Variants in BRF1 observed in about 807,000 individuals in gnomAD.
The protein encoded by BRF1 is BRF1 general transcription factor IIIB subunit, also known as transcription factor IIIB 90 kDa subunit.
A neutral mutation model predicts 81.7 loss-of-function variants in BRF1; 59 were observed. The ratio of observed to expected loss-of-function variants is 0.72; its 90% CI spans 0.59 to 0.90. The LOEUF (loss-of-function observed/expected upper bound fraction) is 0.90. Ranked by LOEUF, BRF1 falls within the 40% of genes least tolerant of loss-of-function variation. BRF1 has a pLI of 0.00. For missense variants in BRF1, 1,050 were observed against 936.3 expected, an observed-to-expected ratio of 1.12 and a Z score of -1.58; for synonymous variants, 491 against 395.6, an observed-to-expected ratio of 1.24 and a Z score of -2.86.
intron 1 of BRF1, among the ~76,000 whole-genome samples, chr14:105,313,573 C>CGGAGGA: frequency 6.6e-6 from 1 of 152,360 alleles, no homozygotes; most frequent in East Asian, 1.9e-4. Flanking sequence ...GCTCTCTCAA[C>CGGAGGA]GGAGGAAGCA....
intron 11 of BRF1, among the ~76,000 whole-genome samples, chr14:105,221,272 C>T (rs930110858): frequency 9.9e-5 from 15 of 152,214 alleles, no homozygotes; most frequent in African/African-American, 2.4e-4. Context: ...GTCATTGCCA[C>T]GCCCAAGCTC....
chr14:105,291,769 G>A (rs1450618692), intron 1 of BRF1, among the ~76,000 whole-genome samples: 3 of 151,744 alleles, frequency 2.0e-5, no homozygotes, highest in Admixed American at 6.6e-5. Flanking sequence ...AGGCCAAGGC[G>A]GGTGGATCAC....
chr14:105,306,183 A>G (rs2058181076), intron 1 of BRF1, among the ~76,000 whole-genome samples: 1 of 152,228 alleles, frequency 6.6e-6, no homozygotes, highest in South Asian at 2.1e-4. Flanking sequence ...GGCCTGAGAA[A>G]AATGACCTGA....
At chr14:105,267,329 G>A (rs1320434920) in intron 3 of BRF1, among the ~76,000 whole-genome samples, 2 of 151,578 alleles carry the variant, frequency 1.3e-5, no homozygotes. Context: ...TTTTGAGACG[G>A]GGCTCACTCT....
chr14:105,219,834 A>G, intron 12 of BRF1: 1 of 579,766 alleles, frequency 1.7e-6, no homozygotes, highest in African/African-American at 1.9e-5. Flanking sequence ...GAGGGCCGCA[A>G]GGACCAGGCG....
At chr14:105,272,672 C>CTAA in intron 3 of BRF1, 49 bp downstream of exon 3, 2 of 1,537,596 alleles carry the variant, frequency 1.3e-6, no homozygotes, top group East Asian at 4.6e-5. Flanking sequence ...GGGGAGCCAA[C>CTAA]TAAGCATCAA....
chr14:105,306,267 A>G (rs1406866567), intron 1 of BRF1, among the ~76,000 whole-genome samples: 1 of 151,802 alleles, frequency 6.6e-6, no homozygotes, highest in Non-Finnish European at 1.5e-5. Context: ...TTCTTCATTC[A>G]TGGTGTCTTT....
In BRF1 at chr14:105,241,254, G is replaced by C. The variant is rs754578528; in HGVS notation, c.694+11C>G. ...GACCAGCATCCCCCAGGCAGGCAGG[G>C]CCCGCTGTACCTGCTCCGCAGAGGC... On this transcript the variant is annotated intron_variant, in intron 6 of 17. Transcript: ENST00000547530. 6.2e-7 allele frequency: 1 copy of C among 1,609,612 alleles called. No homozygotes were observed. Among genetic ancestry groups the C allele is most frequent in the Admixed American group, 1.7e-5 (1 of 59,986 alleles).
chr14:105,275,553 C>T (rs758395861), intron 2 of BRF1, among the ~76,000 whole-genome samples: 8 of 152,332 alleles, frequency 5.3e-5, no homozygotes, highest in African/African-American at 1.4e-4. Flanking sequence ...ACAGGGGACC[C>T]GCTGAAGCTA....
In BRF1 at chr14:105,315,028, G is replaced by A; in HGVS notation, c.-162+294C>T. The A allele has an allele frequency of 8.2e-7, 1 of 1,215,698 alleles. No individual in the cohort carries two copies. The highest frequency in any genetic ancestry group is 1.0e-6 in the Non-Finnish European group (1 of 960,016). The allele number at this position is 1,215,698 out of a possible 1,614,324, so 75.3% of individuals were successfully genotyped here. A position where few individuals can be genotyped will look rare whatever the true frequency, so the allele number is the denominator to read the frequency against. On this transcript the variant is annotated intron_variant, in intron 1 of 17. Coordinates refer to the BRF1 transcript ENST00000327359. The surrounding 1 kb of genome is among the most constrained non-coding windows in gnomAD (Gnocchi z 4.4). ...GAGGTGGACGGCTCCAGCCCCAGCT[G>A]CGTGCCCAGGTACGCGCCGCCCGCC...
chr14:105,298,184 C>G (rs587609156), intron 1 of BRF1, among the ~76,000 whole-genome samples: 77 of 152,216 alleles, frequency 5.1e-4, no homozygotes, highest in South Asian at 2.9e-3. Flanking sequence ...CACTTCTGGT[C>G]CCAAGCATTT....
intron 5 of BRF1, chr14:105,246,890 C>T (rs2055153039): frequency 2.0e-6 from 2 of 985,374 alleles, no homozygotes; most frequent in South Asian, 4.7e-5. Flanking sequence ...CAATTCTATC[C>T]TGGCACCCCC....
chr14:105,219,811 C>T (rs924853167), intron 12 of BRF1: 4 of 561,744 alleles, frequency 7.1e-6, no homozygotes, highest in East Asian at 2.9e-5. Flanking sequence ...GTGCCTGCTG[C>T]AGGCTATGTG....
chr14:105,261,874 A>T (rs951443454), intron 3 of BRF1, among the ~76,000 whole-genome samples: 2 of 152,202 alleles, frequency 1.3e-5, no homozygotes, highest in African/African-American at 4.8e-5. Flanking sequence ...CTGGAGAATG[A>T]TGCCCAGCAC....
Position 105,252,536 on chromosome 14 carries a change from C to T in BRF1, c.515G>A (p.Arg172Lys). Residue 172 changes from arginine to lysine, a missense_variant, in exon 5 of 18, where the codon AGA becomes AAA. Arg to Lys is a conservative substitution (Grantham distance 26). Transcript: ENST00000547530. ...GGCCGGCGCATTGATGCAGAGCTCT[C>T]TTGCCAAGAGAAGAAACGTCTTTCC... Reference protein sequence around the residue: ...VLGKTFLLLARELCINAPAID... With the variant: ...VLGKTFLLLAKELCINAPAID... 2 of 1,613,914 alleles carry T rather than the reference C, an allele frequency of 1.2e-6. No individual in the cohort carries two copies. Among genetic ancestry groups the T allele is most frequent in the African/African-American group, 1.3e-5 (1 of 75,052 alleles).
chr14:105,214,231 T>C (rs988222714), intron 15 of BRF1, among the ~76,000 whole-genome samples: 1 of 152,190 alleles, frequency 6.6e-6, no homozygotes, highest in African/African-American at 2.4e-5. Flanking sequence ...CTTCCAGATA[T>C]GGGCGCTGGG....
intron 3 of BRF1, among the ~76,000 whole-genome samples, chr14:105,272,498 C>A (rs1225722283): frequency 6.6e-6 from 1 of 152,250 alleles, no homozygotes; most frequent in Admixed American, 6.5e-5. Flanking sequence ...TGCCCAAGGG[C>A]TGTGCGAGGA....
At chr14:105,244,703 A>AT (rs2054960817) in intron 5 of BRF1, among the ~76,000 whole-genome samples, 1 of 152,102 alleles carries the variant, frequency 6.6e-6, no homozygotes, top group Non-Finnish European at 1.5e-5. Flanking sequence ...ATAATAGGGG[A>AT]TTTTAACATG....
At position 105,220,145 on chromosome 14, in the gene BRF1, A is replaced by G. The variant is rs1402268070; in HGVS notation, c.1316-15T>C. The G allele has an allele frequency of 4.3e-6, 7 of 1,613,258 alleles. No homozygotes were observed. Among genetic ancestry groups the G allele is most frequent in the South Asian group, 1.1e-5 (1 of 91,082 alleles). On this transcript the variant is annotated splice_polypyrimidine_tract_variant and intron_variant, in intron 11 of 17. Transcript: ENST00000547530. ...TGAAGCATCTTCTGGAGGGAAGCAC[A>G]GCATCCGCGTCACTCAGGGCCAGCA... is the stretch of plus-strand genomic sequence containing the variant.
Sources: allele counts gnomAD v4.1 joint callset (sites outside exome capture counted in the v4.1 genomes callset), GRCh38; gene constraint gnomAD v4.1.1; non-coding constraint Gnocchi (gnomAD v3.1); transcripts MANE v1.5; gene names NCBI Gene and HGNC (gene_info 2026-07-23, HGNC 2026-07-21).